The following EDA2R variants were observed in gnomAD, a reference collection of about 807,000 sequenced individuals.
EDA2R encodes the protein tumor necrosis factor receptor superfamily member 27.
A neutral mutation model predicts 20.1 loss-of-function variants in EDA2R; 26 were observed. That is an observed-to-expected ratio of 1.30 (90% CI 0.95 to 1.80). The LOEUF is 1.80. Ranked by LOEUF, EDA2R falls within the 40% of genes most tolerant of loss-of-function variation. The pLI is 0.00. For synonymous variants in EDA2R, 114 were observed against 88.7 expected (o/e 1.29, Z -1.60); for missense variants, 277 against 228.7 (o/e 1.21, Z -1.36).
In EDA2R at chrX:66,632,348, C is replaced by T. The variant is rs897675568; in HGVS notation, c.-11+6647G>A. Among the ~76,000 whole-genome samples the T allele has an allele frequency of 3.6e-5, 4 of 110,752 alleles. No individual in the cohort carries two copies. In the Admixed American group the frequency reaches 3.9e-4, roughly 11 times the overall value. On this transcript the variant is annotated intron_variant, in intron 1 of 6. Transcript: ENST00000374719. ...CTGAGGCAGGAGAATCGCTTGAACCCTGGAGGCAGAGGTTGCAGTGAGCCG... is the reference window on the plus strand; with the variant it reads ...CTGAGGCAGGAGAATCGCTTGAACCTTGGAGGCAGAGGTTGCAGTGAGCCG...
chrX:66,621,449 C>G (rs1434539855), intron 1 of EDA2R, among the ~76,000 whole-genome samples: 3 of 112,085 alleles, frequency 2.7e-5, no homozygotes, highest in Non-Finnish European at 5.6e-5. Flanking sequence ...AACCTGTAAA[C>G]AAATGTTCCT....
intron 2 of EDA2R, among the ~76,000 whole-genome samples, chrX:66,615,542 T>C (rs1400678234): frequency 1.8e-5 from 2 of 111,816 alleles, no homozygotes; most frequent in Non-Finnish European, 3.8e-5. Context: ...GCTTCCTCAG[T>C]AGCGCAGACC....
At chrX:66,604,054 C>T (rs935244272) in intron 4 of EDA2R, among the ~76,000 whole-genome samples, 2 of 111,395 alleles carry the variant, frequency 1.8e-5, no homozygotes, top group Non-Finnish European at 3.8e-5. Flanking sequence ...AAGTCCTCAG[C>T]CCTAGGGGCT....
intron 2 of EDA2R, among the ~76,000 whole-genome samples, chrX:66,607,437 C>A (rs1374267529): frequency 1.8e-5 from 2 of 110,879 alleles, no homozygotes; most frequent in Admixed American, 1.9e-4. Flanking sequence ...GGCAACACGG[C>A]AAAGCCTTGT....
chrX:66,631,799 C>T (rs1933841384), intron 1 of EDA2R, among the ~76,000 whole-genome samples: 1 of 111,132 alleles, frequency 9.0e-6, no homozygotes, highest in African/African-American at 3.3e-5. Context: ...AATCTAAGTG[C>T]CATGAGAAGC....
intron 1 of EDA2R, among the ~76,000 whole-genome samples, chrX:66,631,762 G>T (rs750890095): frequency 9.0e-6 from 1 of 111,495 alleles, no homozygotes; most frequent in South Asian, 3.8e-4. Flanking sequence ...TAGAGATTCT[G>T]GGAGTTTCTG....
chrX:66,633,679 C>G (rs1230748599), intron 1 of EDA2R, among the ~76,000 whole-genome samples: 1 of 111,360 alleles, frequency 9.0e-6, no homozygotes, highest in Non-Finnish European at 1.9e-5. Context: ...TGCTGTTATC[C>G]TAGCCAAAGT....
intron 1 of EDA2R, among the ~76,000 whole-genome samples, chrX:66,616,850 A>C (rs111835836): frequency 2.0e-3 from 225 of 112,178 alleles, no homozygotes; most frequent in African/African-American, 7.0e-3. Flanking sequence ...TCGGTTACTT[A>C]ATCTAAGAAA....
intron 1 of EDA2R, among the ~76,000 whole-genome samples, chrX:66,619,714 C>A (rs867045912): frequency 9.0e-6 from 1 of 110,982 alleles, no homozygotes; most frequent in Admixed American, 9.6e-5. Flanking sequence ...TCAGCTACAC[C>A]CTGAAATACT....
chrX:66,610,404 T>C (rs1930535868), intron 2 of EDA2R, among the ~76,000 whole-genome samples: 2 of 110,326 alleles, frequency 1.8e-5, no homozygotes, highest in Admixed American at 1.9e-4. Context: ...AGATGAACAT[T>C]AGGTATTGTT....
intron 5 of EDA2R, among the ~76,000 whole-genome samples, chrX:66,601,495 G>A (rs1448476968): frequency 9.0e-6 from 1 of 111,481 alleles, no homozygotes; most frequent in African/African-American, 3.3e-5. Context: ...ATTAAGCCAG[G>A]GCACAACCAA....
At chrX:66,611,515 G>A (rs1930728690) in intron 2 of EDA2R, among the ~76,000 whole-genome samples, 2 of 111,026 alleles carry the variant, frequency 1.8e-5, no homozygotes, top group Non-Finnish European at 3.8e-5. Flanking sequence ...TAAACAGATG[G>A]TAATTATTAA....
intron 1 of EDA2R, among the ~76,000 whole-genome samples, chrX:66,617,961 A>G (rs1932002247): frequency 9.3e-6 from 1 of 107,968 alleles, no homozygotes; most frequent in Non-Finnish European, 1.9e-5. Context: ...GTCTTGGCTC[A>G]CTGCAACCTC....
At chrX:66,608,480 G>A (rs375786147) in intron 2 of EDA2R, among the ~76,000 whole-genome samples, 2 of 111,915 alleles carry the variant, frequency 1.8e-5, no homozygotes, top group East Asian at 2.8e-4. Flanking sequence ...AGGTATTCTC[G>A]ATAAGATTCA....
At chrX:66,632,124 T>G (rs1405390463) in intron 1 of EDA2R, among the ~76,000 whole-genome samples, 2 of 111,866 alleles carry the variant, frequency 1.8e-5, no homozygotes, top group East Asian at 5.6e-4. Flanking sequence ...AGAAGTTAAA[T>G]CATGGGTAAA....
At chrX:66,613,412 C>T (rs1180919393) in intron 2 of EDA2R, among the ~76,000 whole-genome samples, 1 of 111,184 alleles carries the variant, frequency 9.0e-6, no homozygotes, top group African/African-American at 3.3e-5. Context: ...ATTGGAAAGG[C>T]AAATGGGCAA....
At chrX:66,620,965 CAAAAAAAA>C (rs376190384) in intron 1 of EDA2R, among the ~76,000 whole-genome samples, 8 of 55,304 alleles carry the variant, frequency 1.4e-4, no homozygotes, top group Non-Finnish European at 2.5e-4. Context: ...TATCCACTAC[CAAAAAAAA>C]AAAAAAAAAA....
chrX:66,633,424 C>T (rs933074742), intron 1 of EDA2R, among the ~76,000 whole-genome samples: 8 of 111,828 alleles, frequency 7.2e-5, no homozygotes, highest in Non-Finnish European at 1.5e-4. Context: ...CGTTCTTCTA[C>T]TGACTGCTAA....
chrX:66,624,991 A>G (rs1361071432), intron 1 of EDA2R, among the ~76,000 whole-genome samples: 2 of 111,936 alleles, frequency 1.8e-5, no homozygotes, highest in Non-Finnish European at 3.8e-5. Context: ...TGAGCAAAAT[A>G]CAGGGGTAGA....
Sources: allele counts gnomAD v4.1 joint callset (sites outside exome capture counted in the v4.1 genomes callset), GRCh38; gene constraint gnomAD v4.1.1; transcripts MANE v1.5; gene names NCBI Gene and HGNC (gene_info 2026-07-23, HGNC 2026-07-21).